RBM26: variants seen among roughly 807,000 people sequenced by gnomAD.
The protein encoded by RBM26 is RNA-binding protein 26.
Under a neutral mutation model 123.6 loss-of-function variants are expected in RBM26, and 30 were observed. That is an observed-to-expected ratio of 0.24 (90% confidence interval 0.18 to 0.33). RBM26 has a LOEUF of 0.33. RBM26 is among the 10% of genes least tolerant of loss of function. The probability of loss-of-function intolerance (pLI) is 1.00; values close to 1 mark genes in which losing one functional copy is unlikely to be tolerated. For missense variants in RBM26, 947 were observed against 1,203.6 expected (o/e 0.79, Z 3.15); for synonymous variants, 400 against 404.4 (o/e 0.99, Z 0.13).
chr13:79,371,815 C>T (rs766690874), intron 4 of RBM26, 27 bp downstream of exon 4: 15 of 1,448,796 alleles, frequency 1.0e-5, no homozygotes, highest in Middle Eastern at 1.7e-4. Flanking sequence ...CATCGAAACA[C>T]TGAGTATGGT....
At chr13:79,332,052 T>C (rs945724941) in intron 20 of RBM26, among the ~76,000 whole-genome samples, 2 of 152,204 alleles carry the variant, frequency 1.3e-5, no homozygotes, top group Non-Finnish European at 2.9e-5. Flanking sequence ...ATGTCTCAAT[T>C]ACCTTATTTA....
intron 10 of RBM26, 151 bp from the exon 11 acceptor site, chr13:79,358,584 T>C (rs2139652627): frequency 1.5e-6 from 1 of 671,126 alleles, no homozygotes. Context: ...TTAAATTTTC[T>C]TCCAACAATG....
chr13:79,374,617 T>C (rs1489597498), intron 3 of RBM26, among the ~76,000 whole-genome samples: 1 of 152,130 alleles, frequency 6.6e-6, no homozygotes, highest in Non-Finnish European at 1.5e-5. Flanking sequence ...TTCAAGTACT[T>C]TCGTACTCTT....
intron 20 of RBM26, among the ~76,000 whole-genome samples, chr13:79,329,738 T>C (rs550124908): frequency 1.3e-5 from 2 of 152,288 alleles, no homozygotes; most frequent in African/African-American, 4.8e-5. Context: ...ATATGAACCT[T>C]ATCTAGATCC....
At chr13:79,359,186 C>G (rs977673838) in intron 10 of RBM26, among the ~76,000 whole-genome samples, 3 of 152,166 alleles carry the variant, frequency 2.0e-5, no homozygotes, top group African/African-American at 4.8e-5. Context: ...AAAGCCCTTT[C>G]TAGCTCCTAC....
intron 21 of RBM26, 22 bp from the exon 22 acceptor site, chr13:79,320,732 G>C (rs772787386): frequency 7.1e-7 from 1 of 1,401,456 alleles, no homozygotes; most frequent in Admixed American, 3.0e-5. Flanking sequence ...AATGTATTTA[G>C]GAATTTACCC....
intron 1 of RBM26, among the ~76,000 whole-genome samples, chr13:79,404,335 T>C (rs2079321032): frequency 6.6e-6 from 1 of 152,178 alleles, no homozygotes; most frequent in African/African-American, 2.4e-5. Flanking sequence ...TGTATTTGGA[T>C]CTGCCTGTCT....
chr13:79,337,894 C>T (rs1379277529), intron 18 of RBM26, among the ~76,000 whole-genome samples: 1 of 152,164 alleles, frequency 6.6e-6, no homozygotes, highest in African/African-American at 2.4e-5. Context: ...CCTCATGAAA[C>T]CCAAGTCGTA....
chr13:79,325,040 T>A (rs2068160843), intron 20 of RBM26, among the ~76,000 whole-genome samples: 1 of 152,098 alleles, frequency 6.6e-6, no homozygotes, highest in Admixed American at 6.6e-5. Context: ...AAATTCCTAT[T>A]GCTTAGTGAC....
intron 1 of RBM26, among the ~76,000 whole-genome samples, chr13:79,398,071 AC>A (rs1322784447): frequency 1.3e-5 from 2 of 152,242 alleles, no homozygotes; most frequent in Non-Finnish European, 1.5e-5. Context: ...TTTCAAAGTT[AC>A]TGCATGTAAA....
rs550025492 is a variant in RBM26, at chr13:79,403,044, T to C, written c.71+2660A>G. Among the ~76,000 whole-genome samples, 305 of 152,134 alleles carry C rather than the reference T, an allele frequency of 2.0e-3. 5 individuals carry two copies. The highest frequency in any genetic ancestry group is 1.2e-3 in the Non-Finnish European group (81 of 67,992). On this transcript the variant is annotated intron_variant, in intron 1 of 21. Transcript: ENST00000438737. Reference sequence around the variant, plus strand: ...TACAGCTTACCCTTGGTCCTCTGTATGTTCCTCTCTCAAACAGAGGTCGTT... The same window carrying C: ...TACAGCTTACCCTTGGTCCTCTGTACGTTCCTCTCTCAAACAGAGGTCGTT...
chr13:79,337,198 ACCTCGC>A lies in RBM26; in HGVS notation c.2631_2636del (p.Arg878_Gly879del), dbSNP rs749124078. 21 of 1,613,894 alleles carry A rather than the reference ACCTCGC, an allele frequency of 1.3e-5. No homozygotes were observed. The highest frequency in any genetic ancestry group is 2.2e-5 in the South Asian group (2 of 91,076). ...GATCCACCACAGCATGACCAGGCACACCTCGCCCTCGCCCTCGCCCCCTGCCTCGGC... is the reference window on the plus strand; with the variant it reads ...GATCCACCACAGCATGACCAGGCACACCTCGCCCTCGCCCCCTGCCTCGGC... On this transcript the variant is annotated inframe_deletion, in exon 19 of 22. Transcript: ENST00000438737.
At chr13:79,379,991 G>A (rs1482316034) in intron 1 of RBM26, among the ~76,000 whole-genome samples, 1 of 152,104 alleles carries the variant, frequency 6.6e-6, no homozygotes, top group Non-Finnish European at 1.5e-5. Flanking sequence ...ATGTATTCTG[G>A]TGGCAAGACT....
chr13:79,356,746 C>G (rs2074068502), intron 11 of RBM26, among the ~76,000 whole-genome samples: 1 of 151,936 alleles, frequency 6.6e-6, no homozygotes. Context: ...GTTTTAAGAA[C>G]AATAATACAG....
chr13:79,313,487 G>A (rs1050807553), exon 5 of RBM26: 2 of 151,838 alleles, frequency 1.3e-5, no homozygotes, highest in African/African-American at 2.4e-5. Flanking sequence ...ACCAAGTTTA[G>A]TGTCTTCAGA....
chr13:79,371,286 G>GA (rs2075849016), intron 4 of RBM26, 124 bp from the exon 5 acceptor site: 3 of 739,768 alleles, frequency 4.1e-6, no homozygotes, highest in Non-Finnish European at 6.5e-6. Flanking sequence ...TCAGACAACT[G>GA]AAAAAACTGA....
chr13:79,366,609 A>C (rs1335305561), intron 7 of RBM26, 24 bp downstream of exon 7: 2 of 1,500,166 alleles, frequency 1.3e-6, no homozygotes, highest in Non-Finnish European at 1.8e-6. Context: ...AGATAAATAC[A>C]GGGAAACAAA....
intron 1 of RBM26, among the ~76,000 whole-genome samples, chr13:79,390,165 A>T (rs915927927): frequency 2.8e-4 from 42 of 152,188 alleles, no homozygotes; most frequent in African/African-American, 9.9e-4. Context: ...ATCATGTACT[A>T]TTTTTAATTA....
intron 20 of RBM26, among the ~76,000 whole-genome samples, chr13:79,333,927 T>C (rs1302124905): frequency 1.3e-5 from 2 of 152,110 alleles, no homozygotes; most frequent in Non-Finnish European, 2.9e-5. Context: ...CAGGAAGCAG[T>C]AGATGAGGAA....
Sources: gnomAD v4.1 joint callset for allele counts (sites outside exome capture counted in the v4.1 genomes callset) on GRCh38, gnomAD v4.1.1 for gene constraint, MANE v1.5 for transcripts, NCBI Gene and HGNC (gene_info 2026-07-23, HGNC 2026-07-21) for gene names.